The following WDHD1 variants were observed in gnomAD, a reference collection of about 807,000 sequenced individuals.
WDHD1 encodes WD repeat and HMG-box DNA-binding protein 1.
WDHD1 carries 111 observed loss-of-function variants against 135.4 expected under a neutral mutation model. That is an observed-to-expected ratio of 0.82 (90% CI 0.70 to 0.96). WDHD1 has a LOEUF of 0.96. Among genes scored for constraint, WDHD1 ranks in the 40% least tolerant of loss-of-function variants. The probability of loss-of-function intolerance (pLI) is 0.00; values close to 1 mark genes in which losing one functional copy is unlikely to be tolerated. For synonymous variants in WDHD1, 434 were observed against 439.0 expected, an observed-to-expected ratio of 0.99 and a Z score of 0.14; for missense variants, 1,351 against 1,336.3, an observed-to-expected ratio of 1.01 and a Z score of -0.17.
intron 13 of WDHD1, among the ~76,000 whole-genome samples, chr14:54,988,506 T>G (rs559979160): frequency 1.6e-3 from 250 of 152,316 alleles, no homozygotes; most frequent in African/African-American, 5.7e-3. Flanking sequence ...TATACACCTT[T>G]GTCAACTCAT....
At position 54,995,650 on chromosome 14, in the gene WDHD1, C is replaced by T. The variant is rs765891230; in HGVS notation, c.1106G>A (p.Arg369His). 1.9e-5 allele frequency: 30 copies of T among 1,612,480 alleles called. No individual in the cohort carries two copies. Among genetic ancestry groups the T allele is most frequent in the African/African-American group, 5.3e-5 (4 of 74,808 alleles). ...DDEDLMMASG[R>H]PRQRSHILED... Reference sequence around the variant, plus strand: ...TAGGATGTGACTTCGCTGTCTAGGACGACCTGAAGCCATCATGAGGTCTTC... The same window carrying T: ...TAGGATGTGACTTCGCTGTCTAGGATGACCTGAAGCCATCATGAGGTCTTC... Residue 369 changes from arginine to histidine, a missense_variant, in exon 11 of 26, where the codon CGT (arginine) becomes CAT (histidine). Physicochemically the swap from Arg to His is conservative, Grantham distance 29. Around this residue, in one of 2 missense-constraint regions of WDHD1, gnomAD observed 1,330 missense variants for 1,296.1 expected, o/e 1.03. Transcript: ENST00000360586.
chr14:54,947,216 G>A (rs2040942047), intron 24 of WDHD1, among the ~76,000 whole-genome samples: 1 of 152,052 alleles, frequency 6.6e-6, no homozygotes, highest in African/African-American at 2.4e-5. Flanking sequence ...GCGCATGCCT[G>A]TAATCACAGC....
At chr14:54,943,177 G>C (rs1240156514) in intron 25 of WDHD1, among the ~76,000 whole-genome samples, 1 of 152,172 alleles carries the variant, frequency 6.6e-6, no homozygotes, top group Non-Finnish European at 1.5e-5. Context: ...CTAACTGAGA[G>C]ATTGTGCCTT....
At chr14:54,998,318 C>T (rs756682083) in intron 10 of WDHD1, among the ~76,000 whole-genome samples, 5 of 151,802 alleles carry the variant, frequency 3.3e-5, no homozygotes, top group Non-Finnish European at 7.4e-5. Flanking sequence ...TTAGTAGAGA[C>T]GGGGTTTCGT....
chr14:54,969,971 C>T (rs906737337), intron 16 of WDHD1, among the ~76,000 whole-genome samples: 2 of 152,198 alleles, frequency 1.3e-5, no homozygotes, highest in Admixed American at 1.3e-4. Context: ...TCAATAGATG[C>T]AGAAAAAGCT....
At chr14:55,024,704 C>T (rs28719727) in intron 2 of WDHD1, among the ~76,000 whole-genome samples, 116 of 147,416 alleles carry the variant, frequency 7.9e-4, no homozygotes, top group African/African-American at 2.8e-3. Context: ...CTCTCTGAAA[C>T]GTGTGCTGTG....
In WDHD1 at chr14:54,972,553, C is replaced by CAAAAAAAAAAAAAAAAAAAAAAA. The variant is rs71410642; in HGVS notation, c.2064-5182_2064-5160dup. Among the ~76,000 whole-genome samples, 17 of 25,500 alleles carry CAAAAAAAAAAAAAAAAAAAAAAA rather than the reference C, an allele frequency of 6.7e-4. 2 individuals carry two copies. The highest frequency in any genetic ancestry group is 9.2e-4 in the Non-Finnish European group (14 of 15,220). The allele number at this position is 25,500 out of a possible 152,430, so 16.7% of individuals were successfully genotyped here. On this transcript the variant is annotated intron_variant, in intron 16 of 25. Coordinates refer to ENST00000360586, the MANE Select transcript of WDHD1 (RefSeq NM_007086.4). ...CCTGGGCAATAAAGCAAGACTGTCACAAAAAAAAAAAAAAAAAAAAAAAAA... is the reference window on the plus strand; with the variant it reads ...CCTGGGCAATAAAGCAAGACTGTCACAAAAAAAAAAAAAAAAAAAAAAAAAAAAAAAAAAAAAAAAAAAAAAAA...
At position 54,966,589 on chromosome 14, in the gene WDHD1, T is replaced by C. The variant is rs200065489; in HGVS notation, c.2196A>G (p.Ser732=). Residue 732 remains serine, a synonymous_variant, in exon 18 of 26, where the codon TCA becomes TCG. Coordinates refer to ENST00000360586, the MANE Select transcript of WDHD1 (RefSeq NM_007086.4). Reference sequence around the variant, plus strand: ...AATCAAGGTGGTTGTGAAATATAACTGAACGCCAAAATTGCTCCTATAAAA... The same window carrying C: ...AATCAAGGTGGTTGTGAAATATAACCGAACGCCAAAATTGCTCCTATAAAA... ...KGQMEEQFWR[S]VIFHNHLDYL... 3.7e-6 allele frequency: 6 copies of C among 1,606,636 alleles called. No homozygotes were observed. The highest frequency in any genetic ancestry group is 2.2e-5 in the East Asian group (1 of 44,788).
At chr14:55,010,538 G>T in intron 3 of WDHD1, 78 bp from the exon 4 acceptor site, 1 of 1,236,736 alleles carries the variant, frequency 8.1e-7, no homozygotes, top group Non-Finnish European at 1.1e-6. Flanking sequence ...TTAAAAATCC[G>T]GTAAAAAACA....
At chr14:54,974,488 G>GT (rs199522642) in intron 16 of WDHD1, among the ~76,000 whole-genome samples, 5,207 of 96,498 alleles carry the variant, frequency 0.054, 360 homozygotes, top group African/African-American at 0.21. Flanking sequence ...AACCTGTTTT[G>GT]TTTTGTTTTT....
chr14:55,021,603 C>CT (rs2042349533), intron 2 of WDHD1, among the ~76,000 whole-genome samples: 1 of 152,206 alleles, frequency 6.6e-6, no homozygotes, highest in African/African-American at 2.4e-5. Flanking sequence ...CCAGGCTGAT[C>CT]TCAAACTCCT....
At chr14:54,958,731 T>C (rs2140162918) in intron 21 of WDHD1, among the ~76,000 whole-genome samples, 1 of 152,340 alleles carries the variant, frequency 6.6e-6, no homozygotes, top group East Asian at 1.9e-4. Flanking sequence ...ACTCATTGTG[T>C]TCCAATAGTT....
rs2040886898 is a variant in WDHD1 at position 54,944,446 on chromosome 14, C to T, written c.3075G>A (p.Trp1025Ter). Residue 1025 changes from tryptophan (W) to a stop codon, truncating the protein, a stop_gained, in exon 25 of 26, where the codon TGG becomes TGA. Coordinates refer to ENST00000360586, the MANE Select transcript of WDHD1 (RefSeq NM_007086.4). LOFTEE classifies it high-confidence loss of function. Reference sequence around the variant, plus strand: ...AAATATTACTTCTATTTTCTTCTAACCACATCTGGAACCCGGTCTTTGGCC... The same window carrying T: ...AAATATTACTTCTATTTTCTTCTAATCACATCTGGAACCCGGTCTTTGGCC... ...NQRPKTGFQM[W>*]LEENRSNILS... is the part of the protein sequence containing the mutation. The T allele has an allele frequency of 1.2e-6, 2 of 1,601,384 alleles. No homozygotes were observed. Among genetic ancestry groups the T allele is most frequent in the Non-Finnish European group, 1.7e-6 (2 of 1,177,296 alleles).
rs1203782810 is a variant in WDHD1 at position 55,027,013 on chromosome 14, G to A, written c.-17+15C>T. On this transcript the variant is annotated intron_variant, in intron 1 of 25. Transcript: ENST00000360586. ...ATCTCCTTGGTGGACGCGGGCAGCC[G>A]GAGTGGGGACTCACCCGGGTGACCG... The A allele has an allele frequency of 9.3e-6, 5 of 540,466 alleles. No homozygotes were observed. Among genetic ancestry groups the A allele is most frequent in the South Asian group, 4.2e-5 (2 of 47,462 alleles). The allele number at this position is 540,466 out of a possible 1,614,324, so 33.5% of individuals were successfully genotyped here. A position where few individuals can be genotyped will look rare whatever the true frequency, so the allele number is the denominator to read the frequency against.
intron 25 of WDHD1, among the ~76,000 whole-genome samples, chr14:54,942,876 A>G (rs879778738): frequency 3.9e-5 from 6 of 152,232 alleles, no homozygotes; most frequent in Admixed American, 1.3e-4. Context: ...CAAAAACACA[A>G]TCACAGACTT....
At chr14:55,008,286 A>G (rs1298177118) in intron 6 of WDHD1, 30 bp downstream of exon 6, 1 of 1,605,310 alleles carries the variant, frequency 6.2e-7, no homozygotes, top group Non-Finnish European at 8.5e-7. Context: ...AAATGGGCAA[A>G]AAACTTTAAA....
chr14:54,981,718 A>T (rs372420313), intron 15 of WDHD1, 22 bp from the exon 16 acceptor site: 2 of 1,544,158 alleles, frequency 1.3e-6, no homozygotes, highest in African/African-American at 2.7e-5. Flanking sequence ...CAGAAAAATC[A>T]CTTGGAGACA....
At chr14:55,004,029 T>C (rs1360479215) in intron 7 of WDHD1, among the ~76,000 whole-genome samples, 5 of 152,236 alleles carry the variant, frequency 3.3e-5, no homozygotes, top group Non-Finnish European at 7.3e-5. Flanking sequence ...GACTAATATT[T>C]TGTACCATGC....
At chr14:54,992,346 C>T (rs924560319) in intron 11 of WDHD1, among the ~76,000 whole-genome samples, 2 of 152,056 alleles carry the variant, frequency 1.3e-5, no homozygotes, top group African/African-American at 4.8e-5. Context: ...AAAAATTAGC[C>T]TGGCATGGTG....
Sources: allele counts gnomAD v4.1 joint callset (sites outside exome capture counted in the v4.1 genomes callset), GRCh38; gene constraint gnomAD v4.1.1; regional missense constraint gnomAD v4.1.1; transcripts MANE v1.5; gene names NCBI Gene and HGNC (gene_info 2026-07-23, HGNC 2026-07-21).